The following DDX6 variants were observed in gnomAD, a reference collection of about 807,000 sequenced individuals.
DDX6 encodes the protein DEAD-box helicase 6.
Under a neutral mutation model 60.6 loss-of-function variants are expected in DDX6, and 7 were observed. The ratio of observed to expected loss-of-function variants is 0.12; its 90% CI spans 0.07 to 0.22. The LOEUF is 0.22. DDX6 is among the 10% of genes least tolerant of loss of function. The probability of loss-of-function intolerance (pLI) is 1.00; values close to 1 mark genes in which losing one functional copy is unlikely to be tolerated. For missense variants in DDX6, 270 were observed against 589.9 expected (o/e 0.46, Z 5.62); for synonymous variants, 207 against 201.0 (o/e 1.03, Z -0.25).
At position 118,758,869 on chromosome 11, in the gene DDX6, G is replaced by C; in HGVS notation, c.898C>G (p.Leu300Val). The C allele has an allele frequency of 6.2e-7, 1 of 1,613,868 alleles. No individual in the cohort carries two copies. Among genetic ancestry groups the C allele is most frequent in the Non-Finnish European group, 8.5e-7 (1 of 1,179,850 alleles). Residue 300 changes from leucine to valine, a missense_variant, in exon 9 of 14, where the codon CTG becomes GTG. By Grantham distance (32) the Leu-to-Val change is conservative (BLOSUM62 1). Coordinates refer to ENST00000534980, the MANE Select transcript of DDX6 (RefSeq NM_004397.6). Reference protein sequence around the residue: ...SHLQKPYEINLMEELTLKGVT... With the variant: ...SHLQKPYEINVMEELTLKGVT... Reference sequence around the variant, plus strand: ...CCCTTCAGAGTTAGTTCCTCCATCAGGTTAATCTCATAGGGTTTCTGCAAA... The same window carrying C: ...CCCTTCAGAGTTAGTTCCTCCATCACGTTAATCTCATAGGGTTTCTGCAAA...
intron 4 of DDX6, among the ~76,000 whole-genome samples, chr11:118,776,958 T>C (rs1168578078): frequency 6.6e-6 from 1 of 151,954 alleles, no homozygotes. Flanking sequence ...TGATGATGCA[T>C]ATCCTTGTTT....
At chr11:118,775,300 A>C (rs1368943554) in intron 4 of DDX6, among the ~76,000 whole-genome samples, 1 of 152,194 alleles carries the variant, frequency 6.6e-6, no homozygotes, top group African/African-American at 2.4e-5. Context: ...TGAGCGACAG[A>C]GCAAAACCCT....
At chr11:118,780,450 T>C (rs1049760553) in intron 3 of DDX6, among the ~76,000 whole-genome samples, 14 of 152,112 alleles carry the variant, frequency 9.2e-5, no homozygotes, top group Non-Finnish European at 4.4e-5. Context: ...CCTGAGCAGC[T>C]GGATTACAGG....
chr11:118,758,151 G>C (rs575979476), intron 9 of DDX6, among the ~76,000 whole-genome samples: 5 of 152,270 alleles, frequency 3.3e-5, no homozygotes, highest in Non-Finnish European at 7.3e-5. Flanking sequence ...AATGACTGCT[G>C]AACTACCTTG....
intron 6 of DDX6, among the ~76,000 whole-genome samples, chr11:118,763,697 G>C (rs1861250926): frequency 6.6e-6 from 1 of 152,036 alleles, no homozygotes; most frequent in African/African-American, 2.4e-5. Context: ...AGCTGGGTGT[G>C]GTGGTGGGAG....
At chr11:118,761,766 G>T (rs182188481) in intron 7 of DDX6, among the ~76,000 whole-genome samples, 2 of 150,076 alleles carry the variant, frequency 1.3e-5, no homozygotes, top group Non-Finnish European at 3.0e-5. Context: ...AGTATAAAAC[G>T]TATTTTATAA....
intron 5 of DDX6, among the ~76,000 whole-genome samples, chr11:118,766,611 G>GAA (rs1387011098): frequency 2.7e-4 from 41 of 151,488 alleles, no homozygotes; most frequent in African/African-American, 9.5e-4. Flanking sequence ...TCTTTTTTTT[G>GAA]AGATGGAGTC....
intron 13 of DDX6, among the ~76,000 whole-genome samples, chr11:118,753,221 G>A (rs2137402848): frequency 6.6e-6 from 1 of 152,002 alleles, no homozygotes; most frequent in Non-Finnish European, 1.5e-5. Flanking sequence ...GTGGACACGG[G>A]GTCTCACCAG....
At chr11:118,752,311 A>T (rs1360968229) in intron 13 of DDX6, among the ~76,000 whole-genome samples, 1 of 152,222 alleles carries the variant, frequency 6.6e-6, no homozygotes, top group Non-Finnish European at 1.5e-5. Context: ...TTCTGATAGC[A>T]GGCAGCCCTC....
intron 10 of DDX6, 61 bp from the exon 11 acceptor site, chr11:118,756,384 A>T: frequency 7.6e-7 from 1 of 1,323,168 alleles, no homozygotes; most frequent in Non-Finnish European, 1.1e-6. Context: ...AATTTCCCAT[A>T]ATTATTTCTC....
chr11:118,786,577 T>C, intron 1 of DDX6, 59 bp from the exon 2 acceptor site: 1 of 228,268 alleles, frequency 4.4e-6, no homozygotes. Context: ...TGTTTCCCTT[T>C]TAAAAGAACC....
At chr11:118,776,607 G>C (rs1337376742) in intron 4 of DDX6, among the ~76,000 whole-genome samples, 1 of 152,130 alleles carries the variant, frequency 6.6e-6, no homozygotes, top group Non-Finnish European at 1.5e-5. Flanking sequence ...GACTGAAGCA[G>C]GCAGATCACA....
rs552213623 is a variant in DDX6, at chr11:118,761,846, T to A, written c.741+1366A>T. Among the ~76,000 whole-genome samples, 6 of 130,996 alleles carry A rather than the reference T, an allele frequency of 4.6e-5. No individual in the cohort carries two copies. In the South Asian group the frequency reaches 1.6e-3, roughly 35 times the overall value. The allele number at this position is 130,996 out of a possible 152,430, so 85.9% of individuals were successfully genotyped here. A position where few individuals can be genotyped will look rare whatever the true frequency, so the allele number is the denominator to read the frequency against. ...CAGGATACCTACCTTATAGGTTTCT[T>A]GTAAAAATTAAATGGAAAAAAAAAA... On this transcript the variant is annotated intron_variant, in intron 7 of 13. Coordinates refer to ENST00000534980, the MANE Select transcript of DDX6 (RefSeq NM_004397.6).
At chr11:118,758,707 TTGA>T in intron 9 of DDX6, 64 bp downstream of exon 9, 1 of 1,575,202 alleles carries the variant, frequency 6.3e-7, no homozygotes, top group Non-Finnish European at 8.7e-7. Flanking sequence ...GGTGGGAAAA[TTGA>T]TGAAATCATC....
intron 4 of DDX6, among the ~76,000 whole-genome samples, chr11:118,770,378 C>A (rs1422630215): frequency 6.6e-6 from 1 of 152,168 alleles, no homozygotes; most frequent in African/African-American, 2.4e-5. Context: ...TTCACAGTCA[C>A]TGACATTTGT....
chr11:118,753,449 C>T (rs1555157949), intron 13 of DDX6, among the ~76,000 whole-genome samples: 1 of 151,248 alleles, frequency 6.6e-6, no homozygotes, highest in Admixed American at 6.6e-5. Flanking sequence ...AAGTGATTCG[C>T]CTGCCTCAGC....
intron 4 of DDX6, among the ~76,000 whole-genome samples, chr11:118,773,336 G>A (rs566301196): frequency 3.9e-5 from 6 of 152,266 alleles, no homozygotes; most frequent in South Asian, 2.1e-4. Flanking sequence ...TTGGGAGGCC[G>A]AGGTGGGCAG....
intron 1 of DDX6, chr11:118,788,030 G>T (rs994080271): frequency 6.6e-6 from 1 of 151,788 alleles, no homozygotes; most frequent in Non-Finnish European, 1.5e-5. Flanking sequence ...GAACTGGTAG[G>T]AGGGGCACGG....
chr11:118,761,840 G>A (rs1190655364), intron 7 of DDX6, among the ~76,000 whole-genome samples: 4 of 133,084 alleles, frequency 3.0e-5, no homozygotes, highest in African/African-American at 1.1e-4. Flanking sequence ...TACCTTATAG[G>A]TTTCTTGTAA....
Sources: allele counts gnomAD v4.1 joint callset (sites outside exome capture counted in the v4.1 genomes callset), GRCh38; gene constraint gnomAD v4.1.1; transcripts MANE v1.5; gene names NCBI Gene and HGNC (gene_info 2026-07-23, HGNC 2026-07-21).